Variants in SSUH2 observed in about 807,000 individuals in gnomAD.
SSUH2 encodes the protein ssu-2 homolog.
Under a neutral mutation model 55.3 loss-of-function variants are expected in SSUH2, and 47 were observed. The ratio of observed to expected loss-of-function variants is 0.85; its 90% CI spans 0.67 to 1.08. The LOEUF (loss-of-function observed/expected upper bound fraction) is 1.08, where lower values mean the gene tolerates loss of function less well. Ranked by LOEUF, SSUH2 falls within the 50% of genes least tolerant of loss-of-function variation. The probability of loss-of-function intolerance (pLI) is 0.00; values close to 1 mark genes in which losing one functional copy is unlikely to be tolerated. For synonymous variants in SSUH2, 212 were observed against 191.5 expected, an observed-to-expected ratio of 1.11 and a Z score of -0.89; for missense variants, 535 against 490.7, an observed-to-expected ratio of 1.09 and a Z score of -0.85.
intron 11 of SSUH2, among the ~76,000 whole-genome samples, chr3:8,621,059 GT>G (rs1437458081): frequency 2.6e-5 from 4 of 152,192 alleles, no homozygotes; most frequent in Admixed American, 2.6e-4. Flanking sequence ...CTGGCTTCTG[GT>G]GCTGTTTTGT....
chr3:8,643,610 A>G (rs1162360831), intron 1 of SSUH2, among the ~76,000 whole-genome samples: 2 of 152,216 alleles, frequency 1.3e-5, no homozygotes, highest in Non-Finnish European at 2.9e-5. Flanking sequence ...GGTTAATTTC[A>G]TATTCTGCTT....
At chr3:8,653,222 G>A (rs1270453832) in intron 7 of SSUH2, among the ~76,000 whole-genome samples, 1 of 152,216 alleles carries the variant, frequency 6.6e-6, no homozygotes, top group Non-Finnish European at 1.5e-5. Flanking sequence ...AGAGGCAGGA[G>A]CCGCAGATGT....
intron 2 of SSUH2, among the ~76,000 whole-genome samples, chr3:8,678,915 C>T (rs1008993778): frequency 1.8e-5 from 2 of 110,144 alleles, no homozygotes; most frequent in Non-Finnish European, 4.1e-5. Flanking sequence ...CCCCGCCAGG[C>T]GGGGACTGAG....
chr3:8,663,392 T>C (rs1025029393), intron 6 of SSUH2, among the ~76,000 whole-genome samples: 2 of 152,216 alleles, frequency 1.3e-5, no homozygotes, highest in Admixed American at 6.5e-5. Flanking sequence ...CCCAAGGAAG[T>C]GCCTGGAACT....
chr3:8,638,521 G>T (rs937226179), intron 1 of SSUH2, among the ~76,000 whole-genome samples: 3 of 152,168 alleles, frequency 2.0e-5, no homozygotes, highest in Non-Finnish European at 2.9e-5. Context: ...AAGGCAGCAT[G>T]GTTAGAAACA....
At chr3:8,671,261 A>C (rs1704532026) in intron 4 of SSUH2, 1 of 168,532 alleles carries the variant, frequency 5.9e-6, no homozygotes, top group African/African-American at 2.3e-5. Context: ...CCCGTGTGAC[A>C]TTAGGGGTGA....
At chr3:8,630,283 T>C (rs946237233) in intron 6 of SSUH2, among the ~76,000 whole-genome samples, 1 of 152,146 alleles carries the variant, frequency 6.6e-6, no homozygotes, top group Non-Finnish European at 1.5e-5. Context: ...AAGCAGGCAG[T>C]AACCGGAAAA....
rs771024343 is a variant in SSUH2 at position 8,619,988 on chromosome 3, G to A, written c.1008C>T (p.Leu336=). The change falls in exon 12 of 12, where the codon CTC becomes CTT. Residue 336 remains leucine (L), a synonymous_variant. Coordinates refer to ENST00000544814, the MANE Select transcript of SSUH2 (RefSeq NM_001256748.3). ...CTTGGTACCAATAGTGAACTTCTGT[G>A]AGGGGGATCAGCTCAATGGTCTGGC... The part of the protein sequence containing the change: ...QQRQTIELIP[L]TEVHYWYQGK... 3.7e-6 allele frequency: 6 copies of A among 1,614,076 alleles called. No homozygotes were observed. The South Asian group carries it at 6.6e-5, about 18-fold the overall frequency.
At chr3:8,676,366 C>T (rs1453815715) in intron 3 of SSUH2, among the ~76,000 whole-genome samples, 1 of 151,748 alleles carries the variant, frequency 6.6e-6, no homozygotes, top group African/African-American at 2.4e-5. Flanking sequence ...GAAACAATAT[C>T]AGTGGGGGCG....
At chr3:8,647,194 A>G (rs60773465), upstream of SSUH2, among the ~76,000 whole-genome samples, 1,139 of 152,340 alleles carry the variant, frequency 7.5e-3, 13 homozygotes, top group African/African-American at 0.025. Flanking sequence ...GCAAGGTTCA[A>G]TAACTGTCTT....
At position 8,681,518 on chromosome 3, in the gene SSUH2, C is replaced by T. The variant is rs558616689; in HGVS notation, c.-1046+373G>A. Among the ~76,000 whole-genome samples the T allele has an allele frequency of 9.6e-4, 143 of 149,034 alleles. 1 individual carries two copies. Among genetic ancestry groups the T allele is most frequent in the South Asian group, 6.4e-4 (3 of 4,698 alleles). On this transcript the variant is annotated intron_variant, in intron 1 of 18. Coordinates refer to the SSUH2 transcript ENST00000317371. ...CACGAGGCGGGGACTGAGAGCCAGT[C>T]CGTCTTCCCCCCTGGCTCTTCGGAC... is the stretch of plus-strand genomic sequence containing the variant.
At position 8,677,272 on chromosome 3, in the gene SSUH2, T is replaced by G. The variant is rs1345449418; in HGVS notation, c.-819A>C. On this transcript the variant is annotated 5_prime_UTR_variant, in exon 3 of 19. Coordinates refer to the SSUH2 transcript ENST00000317371. ...GAGCTGCCGAAGGCAGGTACCTTAC[T>G]TGGGATTTACTATCCAACAGGGGTC... 12 of 151,644 alleles carry G rather than the reference T, an allele frequency of 7.9e-5. 2 individuals carry two copies. The highest frequency in any genetic ancestry group is 1.5e-5 in the Non-Finnish European group (1 of 68,114). The allele number at this position is 151,644 out of a possible 1,614,324, so 9.4% of individuals were successfully genotyped here. A position where few individuals can be genotyped will look rare whatever the true frequency, so the allele number is the denominator to read the frequency against.
intron 5 of SSUH2, among the ~76,000 whole-genome samples, chr3:8,670,316 G>T (rs1704415092): frequency 6.6e-6 from 1 of 151,974 alleles, no homozygotes; most frequent in African/African-American, 2.4e-5. Context: ...GTGACATTTT[G>T]AACACTCTGT....
chr3:8,632,647 G>C (rs926700331), intron 4 of SSUH2, among the ~76,000 whole-genome samples: 4 of 152,194 alleles, frequency 2.6e-5, no homozygotes, highest in African/African-American at 7.2e-5. Flanking sequence ...TCAGATTCCT[G>C]CTCTAACCAC....
intron 6 of SSUH2, among the ~76,000 whole-genome samples, chr3:8,663,340 C>G (rs111946736): frequency 5.3e-5 from 8 of 152,380 alleles, no homozygotes; most frequent in South Asian, 2.1e-4. Context: ...TCACCTACCC[C>G]CTCCTGTCTG....
intron 3 of SSUH2, among the ~76,000 whole-genome samples, chr3:8,676,908 C>T (rs1705384901): frequency 1.4e-5 from 2 of 145,990 alleles, no homozygotes; most frequent in Admixed American, 1.3e-4. Flanking sequence ...GAGCCAGCCC[C>T]TCTTTCCCCC....
At position 8,632,071 on chromosome 3, in the gene SSUH2, C is replaced by T; in HGVS notation, c.378G>A (p.Glu126=). The T allele has an allele frequency of 6.2e-7, 1 of 1,614,084 alleles. No homozygotes were observed. Among genetic ancestry groups the T allele is most frequent in the South Asian group, 1.1e-5 (1 of 91,066 alleles). ...TACTAGTAAAGGGTTGAAATGTCCA[C>T]TCGCTTATCCTGGATTCACTAAAGG... The part of the protein sequence containing the change: ...LETFSESRIS[E]WTFQPFTNHS... The change falls in exon 5 of 12, where the codon GAG becomes GAA. Residue 126 remains glutamate, a synonymous_variant. Transcript: ENST00000544814.
chr3:8,663,502 A>T (rs1314761393), intron 6 of SSUH2, among the ~76,000 whole-genome samples: 1 of 151,758 alleles, frequency 6.6e-6, no homozygotes, highest in East Asian at 1.9e-4. Context: ...CGACAGAAAA[A>T]CACAGAGAAA....
At chr3:8,644,602 A>T in intron 1 of SSUH2, 129 bp downstream of exon 1, 1 of 845,610 alleles carries the variant, frequency 1.2e-6, no homozygotes. Flanking sequence ...AGTGCTAGCT[A>T]CAGAGCTTAT....
Sources: allele counts gnomAD v4.1 joint callset (sites outside exome capture counted in the v4.1 genomes callset), GRCh38; gene constraint gnomAD v4.1.1; transcripts MANE v1.5; gene names NCBI Gene and HGNC (gene_info 2026-07-23, HGNC 2026-07-21).